SPTBN1: variants seen among roughly 807,000 people sequenced by gnomAD.
SPTBN1 encodes the protein spectrin beta chain, non-erythrocytic 1.
In SPTBN1, 32 loss-of-function variants were observed where a neutral mutation model predicts 266.4. The observed-to-expected ratio is 0.12, with a 90% CI of 0.09 to 0.16. SPTBN1 has a LOEUF of 0.16. Among genes scored for constraint, SPTBN1 ranks in the 10% least tolerant of loss-of-function variants. SPTBN1 has a pLI of 1.00. For synonymous variants in SPTBN1, 1,336 were observed against 1,162.2 expected, an observed-to-expected ratio of 1.15 and a Z score of -3.04; for missense variants, 2,296 against 3,067.1, an observed-to-expected ratio of 0.75 and a Z score of 5.94.
chr2:54,590,303 C>T (rs1277473190), intron 2 of SPTBN1, among the ~76,000 whole-genome samples: 1 of 152,172 alleles, frequency 6.6e-6, no homozygotes, highest in East Asian at 1.9e-4. Context: ...TGCCTAGGGC[C>T]TGTCTTTGTG....
intron 2 of SPTBN1, chr2:54,557,635 C>T (rs1357925370): frequency 1.2e-6 from 1 of 830,202 alleles, no homozygotes; most frequent in Non-Finnish European, 1.5e-6. Flanking sequence ...GGATCATAAA[C>T]AACTCCAGGT....
Position 54,618,105 on chromosome 2 carries a change from A to T in SPTBN1, c.675A>T (p.Leu225=), listed in dbSNP as rs142311858. The T allele has an allele frequency of 5.0e-6, 8 of 1,614,062 alleles. No individual in the cohort carries two copies. The African/African-American group carries it at 9.3e-5, about 19-fold the overall frequency. ...HRPDLIDFDK[L]KKSNAHYNLQ... is the part of the protein sequence containing the mutation. ...CTGACCTGATAGATTTTGACAAACT[A>T]AAGAAATCTAACGCACACTACAACC... Residue 225 remains leucine (L), a synonymous_variant, in exon 7 of 36, where the codon CTA becomes CTT. Transcript: ENST00000356805.
At chr2:54,460,032 A>G (rs1454236909) in intron 1 of SPTBN1, among the ~76,000 whole-genome samples, 1 of 152,202 alleles carries the variant, frequency 6.6e-6, no homozygotes, top group African/African-American at 2.4e-5. Context: ...ATCTCTGGAG[A>G]AGGCATTTTC....
chr2:54,569,395 G>A (rs1673901788), intron 2 of SPTBN1, among the ~76,000 whole-genome samples: 1 of 152,148 alleles, frequency 6.6e-6, no homozygotes. Flanking sequence ...TTATGTCACA[G>A]CAGTATTGAC....
At chr2:54,651,269 A>T (rs77990471) in intron 26 of SPTBN1, among the ~76,000 whole-genome samples, 3,317 of 152,256 alleles carry the variant, frequency 0.022, 126 homozygotes, top group African/African-American at 0.073. Flanking sequence ...CCTTCACCTC[A>T]TTAGACTTAG....
intron 3 of SPTBN1, among the ~76,000 whole-genome samples, chr2:54,610,925 C>T (rs1230381494): frequency 6.6e-6 from 1 of 152,136 alleles, no homozygotes; most frequent in African/African-American, 2.4e-5. Flanking sequence ...AGAGAGACCA[C>T]GTGGAGATGA....
intron 4 of SPTBN1, among the ~76,000 whole-genome samples, chr2:54,613,560 C>A (rs926300237): frequency 2.6e-5 from 4 of 152,210 alleles, no homozygotes; most frequent in African/African-American, 9.6e-5. Flanking sequence ...GCTGGCTGAT[C>A]ATCTGATGCC....
chr2:54,477,626 C>G (rs1667902450), intron 1 of SPTBN1, among the ~76,000 whole-genome samples: 1 of 152,076 alleles, frequency 6.6e-6, no homozygotes. Context: ...TTAAGACTGA[C>G]TGGTAGGCTG....
intron 2 of SPTBN1, among the ~76,000 whole-genome samples, chr2:54,548,662 C>A (rs1672388586): frequency 6.6e-6 from 1 of 152,214 alleles, no homozygotes; most frequent in Non-Finnish European, 1.5e-5. Flanking sequence ...TTTCTAATCT[C>A]CAGCATGCCG....
intron 2 of SPTBN1, among the ~76,000 whole-genome samples, chr2:54,546,936 TAA>T (rs916762940): frequency 1.0e-4 from 15 of 144,326 alleles, no homozygotes; most frequent in African/African-American, 3.6e-4. Flanking sequence ...AGTATGTTTT[TAA>T]AATTCATTTT....
chr2:54,520,830 G>A (rs1266292047), intron 1 of SPTBN1, among the ~76,000 whole-genome samples: 1 of 152,134 alleles, frequency 6.6e-6, no homozygotes, highest in Admixed American at 6.5e-5. Flanking sequence ...TGGTGAGCAA[G>A]TCCAGTGGAA....
Position 54,558,450 on chromosome 2 carries a change from T to G in SPTBN1, c.148+31884T>G. On this transcript the variant is annotated intron_variant, in intron 2 of 35. Transcript: ENST00000356805. This position sits in a 1 kb window ranked among gnomAD's most constrained non-coding sequence, Gnocchi z 4.6. ...CTCGGCAACCGTGGCATGCTTAGGATTGGCCATATTTAAAAGTTCTGAAGT... is the reference window on the plus strand; with the variant it reads ...CTCGGCAACCGTGGCATGCTTAGGAGTGGCCATATTTAAAAGTTCTGAAGT... The G allele has an allele frequency of 3.2e-5, 33 of 1,041,170 alleles. No homozygotes were observed. The highest frequency in any genetic ancestry group is 8.5e-5 in the East Asian group (1 of 11,788). The allele number at this position is 1,041,170 out of a possible 1,614,324, so 64.5% of individuals were successfully genotyped here. A position where few individuals can be genotyped will look rare whatever the true frequency, so the allele number is the denominator to read the frequency against.
intron 1 of SPTBN1, among the ~76,000 whole-genome samples, chr2:54,465,556 G>T (rs536012240): frequency 1.3e-5 from 2 of 149,534 alleles, no homozygotes; most frequent in African/African-American, 4.9e-5. Flanking sequence ...AATATTCTTC[G>T]TTTTTTGTAT....
In SPTBN1 at chr2:54,628,832, G is replaced by A. The variant is rs979989936; in HGVS notation, c.1799-101G>A. 1.4e-6 allele frequency: 2 copies of A among 1,433,262 alleles called. No individual in the cohort carries two copies. The highest frequency in any genetic ancestry group is 2.9e-5 in the African/African-American group (2 of 70,170). The allele number at this position is 1,433,262 out of a possible 1,614,324, so 88.8% of individuals were successfully genotyped here. ...TGCATTTACATTTAGCAGTGAGCTGGTAATCATAAGAATATGGGGTGTAGC... is the reference window on the plus strand; with the variant it reads ...TGCATTTACATTTAGCAGTGAGCTGATAATCATAAGAATATGGGGTGTAGC... On this transcript the variant is annotated intron_variant, in intron 13 of 35. Coordinates refer to ENST00000356805, the MANE Select transcript of SPTBN1 (RefSeq NM_003128.3). This position sits in a 1 kb window ranked among gnomAD's most constrained non-coding sequence, Gnocchi z 4.3.
intron 18 of SPTBN1, among the ~76,000 whole-genome samples, chr2:54,640,661 C>T (rs754913206): frequency 6.6e-6 from 1 of 152,250 alleles, no homozygotes; most frequent in Non-Finnish European, 1.5e-5. Context: ...AAGCAAGTCT[C>T]CTACCTCAGC....
intron 3 of SPTBN1, among the ~76,000 whole-genome samples, chr2:54,601,542 T>C (rs1676499406): frequency 6.6e-6 from 1 of 152,180 alleles, no homozygotes; most frequent in Non-Finnish European, 1.5e-5. Flanking sequence ...TGGTTAGAGC[T>C]TCCAGGCCTG....
rs748556753 is a variant in SPTBN1, at chr2:54,637,844, A to T, written c.3858+41A>T. On this transcript the variant is annotated intron_variant, in intron 18 of 35. Transcript: ENST00000356805. ...ATCCCTCTATTCCTGTGTTCCAGTA[A>T]TAGCAATTGCCAGCCAGCATTTAGC... is the stretch of plus-strand genomic sequence containing the variant. The T allele has an allele frequency of 1.1e-5, 16 of 1,521,260 alleles. No homozygotes were observed. The East Asian group carries it at 3.6e-4, about 34-fold the overall frequency. The allele number at this position is 1,521,260 out of a possible 1,614,324, so 94.2% of individuals were successfully genotyped here. A position where few individuals can be genotyped will look rare whatever the true frequency, so the allele number is the denominator to read the frequency against.
At chr2:54,591,370 A>G (rs987119467) in intron 2 of SPTBN1, among the ~76,000 whole-genome samples, 10 of 152,124 alleles carry the variant, frequency 6.6e-5, no homozygotes, top group African/African-American at 1.9e-4. Context: ...TTTGAACCCA[A>G]GACTACACCT....
In SPTBN1 at chr2:54,643,124, G is replaced by A. The variant is rs151290572; in HGVS notation, c.4000G>A (p.Glu1334Lys). The A allele has an allele frequency of 3.4e-5, 55 of 1,614,082 alleles. No homozygotes were observed. In the East Asian group the frequency reaches 1.2e-3, roughly 34 times the overall value. Residue 1334 changes from glutamate to lysine, a missense_variant, in exon 19 of 36, where the codon GAG (glutamate) becomes AAG (lysine). By Grantham distance (56) the Glu-to-Lys change is moderately conservative (BLOSUM62 1). Transcript: ENST00000356805. ...CAACAAAGAATGGCTTGACAAAATC[G>A]AGAAGGTGAGTTAAAACATTTGATG... ...ASNKEWLDKIEKEGMQLISEK... is the reference protein window; with the variant it reads ...ASNKEWLDKIKKEGMQLISEK...
Sources: allele counts gnomAD v4.1 joint callset (sites outside exome capture counted in the v4.1 genomes callset), GRCh38; gene constraint gnomAD v4.1.1; non-coding constraint Gnocchi (gnomAD v3.1); transcripts MANE v1.5; gene names NCBI Gene and HGNC (gene_info 2026-07-23, HGNC 2026-07-21).